Variants in DYNC2LI1 observed in about 807,000 individuals in gnomAD.
DYNC2LI1 encodes dynein cytoplasmic 2 light intermediate chain 1.
Under a neutral mutation model 51.9 loss-of-function variants are expected in DYNC2LI1, and 45 were observed. The observed-to-expected ratio is 0.87, with a 90% confidence interval of 0.68 to 1.11. The LOEUF (loss-of-function observed/expected upper bound fraction) is 1.11. Among genes scored for constraint, DYNC2LI1 ranks in the 50% most tolerant of loss-of-function variants. The pLI is 0.00. For synonymous variants in DYNC2LI1, 130 were observed against 137.8 expected (o/e 0.94, Z 0.40); for missense variants, 490 against 417.4 (o/e 1.17, Z -1.51).
chr2:43,801,032 A>T, intron 9 of DYNC2LI1, 115 bp downstream of exon 9: 2 of 422,176 alleles, frequency 4.7e-6, no homozygotes, highest in Non-Finnish European at 8.3e-6. Flanking sequence ...AGTGACCCAG[A>T]TGGCTTTTCT....
At chr2:43,777,501 T>C (rs1395955506) in intron 2 of DYNC2LI1, among the ~76,000 whole-genome samples, 3 of 152,234 alleles carry the variant, frequency 2.0e-5, no homozygotes, top group African/African-American at 7.2e-5. Context: ...ACAAAGTTCC[T>C]GCCAGGAAGG....
chr2:43,826,664 T>G, the DYNC2LI1 span: 1 of 1,321,160 alleles, frequency 7.6e-7, no homozygotes, highest in East Asian at 2.4e-5. Context: ...TAAACTGGCT[T>G]TCAGCCTGAG....
intron 10 of DYNC2LI1, among the ~76,000 whole-genome samples, chr2:43,802,976 A>G (rs1666124425): frequency 6.6e-6 from 1 of 152,202 alleles, no homozygotes; most frequent in Non-Finnish European, 1.5e-5. Context: ...AAATATCACT[A>G]TACATTTAAC....
the DYNC2LI1 span, among the ~76,000 whole-genome samples, chr2:43,816,755 T>C: frequency 0.012 from 1,879 of 152,324 alleles, 19 homozygotes; most frequent in Non-Finnish European, 0.018. Context: ...GCATATTTTA[T>C]ATCTTATACA....
the DYNC2LI1 span, among the ~76,000 whole-genome samples, chr2:43,816,353 TGAGA>T: frequency 6.6e-6 from 1 of 152,156 alleles, no homozygotes; most frequent in Admixed American, 6.5e-5. Flanking sequence ...TGTGATAGGC[TGAGA>T]GAGAAAACAA....
intron 1 of DYNC2LI1, 31 bp downstream of exon 1, chr2:43,774,177 G>C (rs764598570): frequency 1.2e-6 from 2 of 1,613,096 alleles, no homozygotes; most frequent in African/African-American, 1.3e-5. Context: ...GCGTGGGAAA[G>C]GCTACTGAGA....
chr2:43,802,311 C>T (rs1666101644), intron 10 of DYNC2LI1, among the ~76,000 whole-genome samples: 1 of 151,636 alleles, frequency 6.6e-6, no homozygotes, highest in African/African-American at 2.4e-5. Context: ...ATCTTTGAGC[C>T]TCGCACTTCT....
intron 8 of DYNC2LI1, among the ~76,000 whole-genome samples, chr2:43,799,457 A>G (rs1305690027): frequency 6.6e-6 from 1 of 152,222 alleles, no homozygotes; most frequent in Non-Finnish European, 1.5e-5. Flanking sequence ...ACTCTCTAAT[A>G]TAGTTGAAGG....
At chr2:43,821,863 A>T in the DYNC2LI1 span, among the ~76,000 whole-genome samples, 2 of 150,468 alleles carry the variant, frequency 1.3e-5, no homozygotes, top group Non-Finnish European at 3.0e-5. Context: ...TCTATTTTTC[A>T]TTCTCTCTCT....
chr2:43,815,927 A>AG, the DYNC2LI1 span, among the ~76,000 whole-genome samples: 4 of 146,852 alleles, frequency 2.7e-5, no homozygotes, highest in Non-Finnish European at 5.9e-5. Context: ...AAAAAAAAAA[A>AG]GGACCAGACT....
At chr2:43,795,766 C>G (rs1261213729) in intron 6 of DYNC2LI1, 124 bp from the exon 7 acceptor site, 1 of 717,074 alleles carries the variant, frequency 1.4e-6, no homozygotes, top group Admixed American at 2.8e-5. Context: ...AATTCTATGT[C>G]AAGCAAATTA....
rs753633008 is a variant in DYNC2LI1 at position 43,787,479 on chromosome 2, TA to T, written c.231+230del. ...TATGTCTTAAAATGCTAGAATAAGATACCTTTTTAACTTTATTGTACAGTTC... is the reference window on the plus strand; with the variant it reads ...TATGTCTTAAAATGCTAGAATAAGATCCTTTTTAACTTTATTGTACAGTTC... On this transcript the variant is annotated intron_variant, in intron 4 of 12. Transcript: ENST00000260605. Among the ~76,000 whole-genome samples, 9 of 152,348 alleles carry T rather than the reference TA, an allele frequency of 5.9e-5. 1 individual carries two copies. Among genetic ancestry groups the T allele is most frequent in the Admixed American group, 4.6e-4 (7 of 15,300 alleles).
chr2:43,825,078 G>A, the DYNC2LI1 span: 13 of 1,596,638 alleles, frequency 8.1e-6, no homozygotes, highest in Non-Finnish European at 1.0e-5. Flanking sequence ...CACTTTGAAT[G>A]TCTCTGGGAA....
At chr2:43,824,396 C>G in the DYNC2LI1 span, 1 of 1,614,048 alleles carries the variant, frequency 6.2e-7, no homozygotes, top group Non-Finnish European at 8.5e-7. Context: ...TTCTATTTCC[C>G]GTTCCTTGCT....
chr2:43,783,532 A>G lies in DYNC2LI1; in HGVS notation c.139A>G (p.Ile47Val), dbSNP rs770485941. Residue 47 changes from isoleucine (I) to valine (V), a missense_variant, in exon 3 of 13, where the codon ATT becomes GTT. Physicochemically the swap from Ile to Val is conservative, Grantham distance 29 (BLOSUM62 3). Coordinates refer to ENST00000260605, the MANE Select transcript of DYNC2LI1 (RefSeq NM_016008.4). ...IGSKNGGKTT[I>V]ILRCLDRDEP... is the part of the protein sequence containing the mutation. ...TTTTAATTTCCAGGGAAAGACTACTATTATTCTAAGGTGTCTTGACAGGTA... is the reference window on the plus strand; with the variant it reads ...TTTTAATTTCCAGGGAAAGACTACTGTTATTCTAAGGTGTCTTGACAGGTA... The G allele has an allele frequency of 6.5e-6, 10 of 1,533,264 alleles. No individual in the cohort carries two copies. In the South Asian group the frequency reaches 1.0e-4, roughly 16 times the overall value. The allele number at this position is 1,533,264 out of a possible 1,614,324, so 95.0% of individuals were successfully genotyped here.
At chr2:43,819,894 T>A in the DYNC2LI1 span, 2 of 1,613,440 alleles carry the variant, frequency 1.2e-6, no homozygotes, top group Non-Finnish European at 1.7e-6. Context: ...AATCTAAATT[T>A]TTTGAATTAT....
At chr2:43,786,402 A>C (rs1673521989) in intron 3 of DYNC2LI1, among the ~76,000 whole-genome samples, 1 of 151,996 alleles carries the variant, frequency 6.6e-6, no homozygotes, top group Admixed American at 6.6e-5. Flanking sequence ...GGCCAGTCTT[A>C]AACTCATGGA....
intron 2 of DYNC2LI1, chr2:43,781,816 A>G (rs1673299457): frequency 6.6e-6 from 1 of 151,900 alleles, no homozygotes; most frequent in African/African-American, 2.4e-5. Context: ...GTTAGCCAGG[A>G]TGGTCTTGAT....
intron 8 of DYNC2LI1, among the ~76,000 whole-genome samples, chr2:43,797,531 T>G (rs1203826558): frequency 6.8e-6 from 1 of 146,902 alleles, no homozygotes; most frequent in East Asian, 2.0e-4. Context: ...TTTTTTTTTT[T>G]TTTTTTTTGA....
Sources: gnomAD v4.1 joint callset for allele counts (sites outside exome capture counted in the v4.1 genomes callset) on GRCh38, gnomAD v4.1.1 for gene constraint, MANE v1.5 for transcripts, NCBI Gene and HGNC (gene_info 2026-07-23, HGNC 2026-07-21) for gene names.